The following LRRTM4 variants were observed in gnomAD, a reference collection of about 807,000 sequenced individuals.
The protein encoded by LRRTM4 is leucine-rich repeat transmembrane neuronal protein 4.
In LRRTM4, 25 loss-of-function variants were observed where a neutral mutation model predicts 47.6. That is an observed-to-expected ratio of 0.53 (90% CI 0.38 to 0.73). LRRTM4 has a LOEUF of 0.73. Among genes scored for constraint, LRRTM4 ranks in the 30% least tolerant of loss-of-function variants. The pLI is 0.00. For missense variants in LRRTM4, 638 were observed against 713.4 expected (o/e 0.89, Z 1.20); for synonymous variants, 311 against 269.5 (o/e 1.15, Z -1.51).
At chr2:76,807,471 C>CAT (rs1553412706) in intron 3 of LRRTM4, among the ~76,000 whole-genome samples, 13,032 of 96,852 alleles carry the variant, frequency 0.13, 1,088 homozygotes, top group Admixed American at 0.2. Flanking sequence ...TATATATATA[C>CAT]ATATATATAT....
intron 3 of LRRTM4, among the ~76,000 whole-genome samples, chr2:77,490,418 G>C (rs150737090): frequency 6.6e-6 from 1 of 151,924 alleles, no homozygotes; most frequent in Non-Finnish European, 1.5e-5. Context: ...TAAAACTAAA[G>C]CTAAATGTAA....
At chr2:77,266,328 T>C (rs985713) in intron 3 of LRRTM4, among the ~76,000 whole-genome samples, 19,539 of 152,124 alleles carry the variant, frequency 0.13, 4,206 homozygotes, top group African/African-American at 0.44. Context: ...AACTCAACCG[T>C]TTATGCAAAT....
intron 3 of LRRTM4, among the ~76,000 whole-genome samples, chr2:77,137,159 C>T (rs1671969469): frequency 6.6e-6 from 1 of 151,628 alleles, no homozygotes; most frequent in African/African-American, 2.4e-5. Flanking sequence ...AGAGCAACTC[C>T]AAGACACACA....
At chr2:76,904,520 T>C (rs919806829) in intron 3 of LRRTM4, among the ~76,000 whole-genome samples, 1 of 152,210 alleles carries the variant, frequency 6.6e-6, no homozygotes, top group African/African-American at 2.4e-5. Flanking sequence ...GCTTGAGAAA[T>C]GTGACTGACT....
At chr2:76,797,637 G>C (rs1401998053) in intron 3 of LRRTM4, among the ~76,000 whole-genome samples, 1 of 151,310 alleles carries the variant, frequency 6.6e-6, no homozygotes. Context: ...AATGTAAATG[G>C]ACTAAATGCT....
At chr2:76,953,842 C>G (rs1675576303) in intron 3 of LRRTM4, among the ~76,000 whole-genome samples, 1 of 151,868 alleles carries the variant, frequency 6.6e-6, no homozygotes, top group Admixed American at 6.6e-5. Flanking sequence ...CTGATGGGAG[C>G]TGGCATAATT....
intron 3 of LRRTM4, among the ~76,000 whole-genome samples, chr2:77,202,896 A>G (rs1406136871): frequency 2.0e-5 from 3 of 152,138 alleles, no homozygotes; most frequent in Non-Finnish European, 4.4e-5. Flanking sequence ...GTATGGGAAC[A>G]GGAGGATCAT....
At position 76,931,603 on chromosome 2, in the gene LRRTM4, C is replaced by CA. The variant is rs151335863; in HGVS notation, c.1552-182688dup. 9.2e-5 allele frequency among the ~76,000 whole-genome samples: 14 copies of CA among 152,254 alleles called. No individual in the cohort carries two copies. In the East Asian group the frequency reaches 2.3e-3, roughly 25 times the overall value. On this transcript the variant is annotated intron_variant, in intron 3 of 3. Coordinates refer to ENST00000409884, the MANE Select transcript of LRRTM4 (RefSeq NM_001134745.3). The stretch of plus-strand genomic sequence containing the variant: ...GATAAGGACAATTCTTCCTTGCCCT[C>CA]AAAGTTGGAGGGATGAAATCCAATT...
intron 3 of LRRTM4, among the ~76,000 whole-genome samples, chr2:77,118,168 A>G (rs929388312): frequency 6.6e-6 from 1 of 151,894 alleles, no homozygotes; most frequent in African/African-American, 2.4e-5. Flanking sequence ...AGAAATTGGT[A>G]GATTTTTTTG....
chr2:76,925,691 T>C (rs927360587), intron 3 of LRRTM4, among the ~76,000 whole-genome samples: 2 of 152,144 alleles, frequency 1.3e-5, no homozygotes, highest in African/African-American at 2.4e-5. Context: ...TCCTATCTTT[T>C]CTTAAATGTC....
intron 3 of LRRTM4, among the ~76,000 whole-genome samples, chr2:77,393,997 C>A (rs1673604006): frequency 6.6e-6 from 1 of 151,616 alleles, no homozygotes; most frequent in African/African-American, 2.4e-5. Context: ...TATATTTAAC[C>A]ATGTGTCCTA....
intron 3 of LRRTM4, among the ~76,000 whole-genome samples, chr2:76,876,289 A>G (rs974479805): frequency 6.6e-6 from 1 of 152,184 alleles, no homozygotes; most frequent in East Asian, 1.9e-4. Context: ...ATAGGATAAT[A>G]AAGTACCAGG....
At chr2:77,141,683 C>T (rs575416863) in intron 3 of LRRTM4, among the ~76,000 whole-genome samples, 1 of 152,236 alleles carries the variant, frequency 6.6e-6, no homozygotes, top group African/African-American at 2.4e-5. Context: ...GTAGAGGACT[C>T]CTAAGTTTTT....
At chr2:76,795,840 T>TGTCTACAGCTCCC (rs1553410112) in intron 3 of LRRTM4, among the ~76,000 whole-genome samples, 1 of 151,920 alleles carries the variant, frequency 6.6e-6, no homozygotes, top group Non-Finnish European at 1.5e-5. Context: ...GAACAGCTCC[T>TGTCTACAGCTCCC]GTCTACAGCT....
chr2:77,176,951 C>T (rs527521199), intron 3 of LRRTM4, among the ~76,000 whole-genome samples: 11 of 152,232 alleles, frequency 7.2e-5, no homozygotes, highest in Admixed American at 4.6e-4. Context: ...TAAAGAAACT[C>T]CCACCAGTCC....
At chr2:77,478,612 G>A (rs984964845) in intron 3 of LRRTM4, among the ~76,000 whole-genome samples, 6 of 152,046 alleles carry the variant, frequency 3.9e-5, no homozygotes, top group Non-Finnish European at 8.8e-5. Context: ...ATATTCTTTT[G>A]TACACATGCA....
At chr2:76,799,033 C>A (rs2103759913) in intron 3 of LRRTM4, among the ~76,000 whole-genome samples, 1 of 150,142 alleles carries the variant, frequency 6.7e-6, no homozygotes, top group South Asian at 2.1e-4. Context: ...TAAGGAGGAG[C>A]TGGTACCATT....
At chr2:77,438,681 C>G (rs1315425924) in intron 3 of LRRTM4, among the ~76,000 whole-genome samples, 1 of 152,114 alleles carries the variant, frequency 6.6e-6, no homozygotes, top group Non-Finnish European at 1.5e-5. Context: ...GCTGGGATTA[C>G]AGGCGTGAGC....
intron 3 of LRRTM4, among the ~76,000 whole-genome samples, chr2:76,884,108 GA>G (rs1007034398): frequency 2.6e-5 from 4 of 151,924 alleles, no homozygotes; most frequent in African/African-American, 9.7e-5. Flanking sequence ...GCCCAGCCAG[GA>G]AATGTGATTT....
Sources: gnomAD v4.1 joint callset for allele counts (sites outside exome capture counted in the v4.1 genomes callset) on GRCh38, gnomAD v4.1.1 for gene constraint, MANE v1.5 for transcripts, NCBI Gene and HGNC (gene_info 2026-07-23, HGNC 2026-07-21) for gene names.